The following ERVFRD-1 variants were observed in gnomAD, a reference collection of about 807,000 sequenced individuals.
ERVFRD-1 encodes endogenous retrovirus group FRD member 1, envelope.
In ERVFRD-1, 33 loss-of-function variants were observed where a neutral mutation model predicts 43.8. The ratio of observed to expected loss-of-function variants is 0.75; its 90% CI spans 0.57 to 1.01. The LOEUF is 1.01. Ranked by LOEUF, ERVFRD-1 falls within the 50% of genes least tolerant of loss-of-function variation. ERVFRD-1 has a pLI of 0.00. For missense variants in ERVFRD-1, 568 were observed against 658.4 expected (o/e 0.86, Z 1.50); for synonymous variants, 239 against 244.4 (o/e 0.98, Z 0.21).
chr6:11,104,452 G>A lies in ERVFRD-1; in HGVS notation c.859C>T (p.His287Tyr). Residue 287 changes from histidine to tyrosine, a missense_variant, in exon 2 of 2, where the codon CAT becomes TAT. Coordinates refer to ENST00000472091, the MANE Select transcript of ERVFRD-1 (RefSeq NM_207582.3). Reference protein sequence around the residue: ...GTSLTPLFHFHISTCLKTQGA... With the variant: ...GTSLTPLFHFYISTCLKTQGA... The stretch of plus-strand genomic sequence containing the variant: ...TGAGTTTTAAGGCATGTAGAGATAT[G>A]GAAATGAAATAAGGGGGTGAGGGAG... 2 of 1,551,936 alleles carry A rather than the reference G, an allele frequency of 1.3e-6. No homozygotes were observed. Among genetic ancestry groups the A allele is most frequent in the Non-Finnish European group, 1.7e-6 (2 of 1,147,086 alleles).
rs1178290750 is a variant in ERVFRD-1, at chr6:11,104,280, G to A, written c.1031C>T (p.Pro344Leu). Residue 344 changes from proline (P) to leucine (L), a missense_variant, in exon 2 of 2, where the codon CCG (proline) becomes CTG (leucine). Coordinates refer to ENST00000472091, the MANE Select transcript of ERVFRD-1 (RefSeq NM_207582.3). Reference sequence around the variant, plus strand: ...GATTGCCCTCCTCACCCTGGGCAACGGGGAATTCCCATAGATTGGTATTGG... The same window carrying A: ...GATTGCCCTCCTCACCCTGGGCAACAGGGAATTCCCATAGATTGGTATTGG... ...SLPIPIYGNS[P>L]LPRVRRAIHF... The A allele has an allele frequency of 2.8e-5, 43 of 1,551,584 alleles. No homozygotes were observed. Among genetic ancestry groups the A allele is most frequent in the Non-Finnish European group, 3.3e-5 (38 of 1,147,014 alleles).
chr6:11,109,007 G>A (rs1459197678), intron 1 of ERVFRD-1, among the ~76,000 whole-genome samples: 1 of 152,206 alleles, frequency 6.6e-6, no homozygotes, highest in East Asian at 1.9e-4. Flanking sequence ...AGAGGAACAT[G>A]TGGGTCCTTG....
Position 11,105,509 on chromosome 6 carries a change from C to T in ERVFRD-1, c.-199G>A, listed in dbSNP as rs1581912588. ...GTTTAAAGAGGAATTTTAGATCTTC[C>T]AGTGCCTTGCAAGTGTATTCCGGAG... is the stretch of plus-strand genomic sequence containing the variant. On this transcript the variant is annotated 5_prime_UTR_variant, in exon 2 of 2. Coordinates refer to ENST00000472091, the MANE Select transcript of ERVFRD-1 (RefSeq NM_207582.3). 2 of 561,588 alleles carry T rather than the reference C, an allele frequency of 3.6e-6. No homozygotes were observed. Among genetic ancestry groups the T allele is most frequent in the East Asian group, 3.0e-5 (1 of 32,988 alleles). The allele number at this position is 561,588 out of a possible 1,614,324, so 34.8% of individuals were successfully genotyped here.
chr6:11,109,507 A>G (rs750149850), intron 1 of ERVFRD-1, among the ~76,000 whole-genome samples: 6 of 152,136 alleles, frequency 3.9e-5, no homozygotes, highest in African/African-American at 7.2e-5. Context: ...TTCTGAACCA[A>G]TGGGAAGGGG....
rs375676990 is a variant in ERVFRD-1 at position 11,105,102 on chromosome 6, G to T, written c.209C>A (p.Ala70Glu). ...CCATCGATAGGAAATATGTAATTCC[G>T]CCTCTATGCTTGTCCATTCTCTGGG... The part of the protein sequence containing the change: ...ASPREWTSIE[A>E]ELHISYRWDP... The change falls in exon 2 of 2, where the codon GCG (alanine) becomes GAG (glutamate). Residue 70 changes from alanine (A) to glutamate (E), a missense_variant. Physicochemically the swap from Ala to Glu is moderately radical, Grantham distance 107. Transcript: ENST00000472091. 2 of 1,614,044 alleles carry T rather than the reference G, an allele frequency of 1.2e-6. No homozygotes were observed. Among genetic ancestry groups the T allele is most frequent in the Non-Finnish European group, 1.7e-6 (2 of 1,180,044 alleles).
In ERVFRD-1 at chr6:11,103,586, A is replaced by G. The variant is rs1177115022; in HGVS notation, c.*108T>C. On this transcript the variant is annotated 3_prime_UTR_variant, in exon 2 of 2. Transcript: ENST00000472091. Reference sequence around the variant, plus strand: ...TTGGCCTCTTGCTAGCTGTCAGGGCAGGATGGCTCTGTGGATTGGCAAAAA... The same window carrying G: ...TTGGCCTCTTGCTAGCTGTCAGGGCGGGATGGCTCTGTGGATTGGCAAAAA... 2 of 1,436,982 alleles carry G rather than the reference A, an allele frequency of 1.4e-6. No homozygotes were observed. The highest frequency in any genetic ancestry group is 1.8e-6 in the Non-Finnish European group (2 of 1,094,178). The allele number at this position is 1,436,982 out of a possible 1,614,324, so 89.0% of individuals were successfully genotyped here.
chr6:11,109,471 G>A (rs1758137930), intron 1 of ERVFRD-1, among the ~76,000 whole-genome samples: 1 of 152,140 alleles, frequency 6.6e-6, no homozygotes, highest in Non-Finnish European at 1.5e-5. Flanking sequence ...TGGGGCTTGA[G>A]CTCTGGGTAA....
chr6:11,105,003 A>C lies in ERVFRD-1; in HGVS notation c.308T>G (p.Ile103Ser). 5.6e-6 allele frequency: 9 copies of C among 1,614,204 alleles called. No homozygotes were observed. Among genetic ancestry groups the C allele is most frequent in the Non-Finnish European group, 7.6e-6 (9 of 1,180,042 alleles). ...LSTVKQDFPD[I>S]RQKPPIFGPI... ...TCCGAAAATGGGAGGTTTCTGGCGGATATCAGGGAAATCTTGCTTTACTGT... is the reference window on the plus strand; with the variant it reads ...TCCGAAAATGGGAGGTTTCTGGCGGCTATCAGGGAAATCTTGCTTTACTGT... The change falls in exon 2 of 2, where the codon ATC becomes AGC. Residue 103 changes from isoleucine to serine, a missense_variant. Ile to Ser is a moderately radical substitution (Grantham distance 142). Coordinates refer to ENST00000472091, the MANE Select transcript of ERVFRD-1 (RefSeq NM_207582.3).
chr6:11,103,933 A>T lies in ERVFRD-1; in HGVS notation c.1378T>A (p.Ser460Thr), dbSNP rs867769889. ...DNIRQLLNQASSLRERATQGW... is the reference protein window; with the variant it reads ...DNIRQLLNQATSLRERATQGW... The stretch of plus-strand genomic sequence containing the variant: ...TGAGTGGCTCGTTCCCGTAAACTGG[A>T]GGCTTGATTTAGGAGTTGTCTGATG... Residue 460 changes from serine to threonine, a missense_variant, in exon 2 of 2, where the codon TCC (serine) becomes ACC (threonine). Coordinates refer to ENST00000472091, the MANE Select transcript of ERVFRD-1 (RefSeq NM_207582.3). 6.4e-7 allele frequency: 1 copy of T among 1,551,566 alleles called. No individual in the cohort carries two copies. Among genetic ancestry groups the T allele is most frequent in the African/African-American group, 1.4e-5 (1 of 73,114 alleles).
Position 11,104,285 on chromosome 6 carries a change from A to T in ERVFRD-1, c.1026T>A (p.Asn342Lys). ...NLSLPIPIYG[N>K]SPLPRVRRAI... The stretch of plus-strand genomic sequence containing the variant: ...CCCTCCTCACCCTGGGCAACGGGGA[A>T]TTCCCATAGATTGGTATTGGAAGAG... Residue 342 changes from asparagine to lysine, a missense_variant, in exon 2 of 2, where the codon AAT becomes AAA. Physicochemically the swap from Asn to Lys is moderately conservative, Grantham distance 94. Transcript: ENST00000472091. The T allele has an allele frequency of 1.3e-6, 2 of 1,551,726 alleles. No homozygotes were observed. Among genetic ancestry groups the T allele is most frequent in the Non-Finnish European group, 1.7e-6 (2 of 1,147,002 alleles).
rs756242354 is a variant in ERVFRD-1, at chr6:11,104,610, C to T, written c.701G>A (p.Arg234Gln). The change falls in exon 2 of 2, where the codon CGA becomes CAA. Residue 234 changes from arginine (R) to glutamine (Q), a missense_variant. By Grantham distance (43) the Arg-to-Gln change is conservative. Coordinates refer to ENST00000472091, the MANE Select transcript of ERVFRD-1 (RefSeq NM_207582.3). The stretch of plus-strand genomic sequence containing the variant: ...TTTATTTTCCCAAAAAAGAGAATTT[C>T]GAGTTTGGTCCAATAGAACCCATTC... The part of the protein sequence containing the change: ...TAEWVLLDQT[R>Q]NSLFWENKTK... The T allele has an allele frequency of 1.7e-5, 27 of 1,613,970 alleles. No homozygotes were observed. The highest frequency in any genetic ancestry group is 2.7e-5 in the African/African-American group (2 of 74,882).
intron 1 of ERVFRD-1, among the ~76,000 whole-genome samples, chr6:11,109,730 A>G (rs1758140729): frequency 6.6e-6 from 1 of 152,204 alleles, no homozygotes; most frequent in South Asian, 2.1e-4. Flanking sequence ...AGGCTGTATT[A>G]CAGAAAAATA....
At chr6:11,105,939 A>G (rs1251919429) in intron 1 of ERVFRD-1, among the ~76,000 whole-genome samples, 4 of 152,190 alleles carry the variant, frequency 2.6e-5, no homozygotes, top group African/African-American at 9.7e-5. Flanking sequence ...CCTTAGGGGC[A>G]GCAAATCAGA....
intron 1 of ERVFRD-1, among the ~76,000 whole-genome samples, chr6:11,107,331 G>A (rs577640781): frequency 2.0e-5 from 3 of 152,194 alleles, no homozygotes; most frequent in African/African-American, 7.2e-5. Flanking sequence ...TTTCAGACAC[G>A]TTGTATTCTC....
Position 11,104,296 on chromosome 6 carries a change from T to C in ERVFRD-1, c.1015A>G (p.Ile339Val), listed in dbSNP as rs565688582. The C allele has an allele frequency of 3.2e-6, 5 of 1,551,614 alleles. No individual in the cohort carries two copies. The East Asian group carries it at 9.8e-5, about 30-fold the overall frequency. ...APGNLSLPIP[I>V]YGNSPLPRVR... ...CTGGGCAACGGGGAATTCCCATAGA[T>C]TGGTATTGGAAGAGAGAGATTGCCA... Residue 339 changes from isoleucine to valine, a missense_variant, in exon 2 of 2, where the codon ATC becomes GTC. Coordinates refer to ENST00000472091, the MANE Select transcript of ERVFRD-1 (RefSeq NM_207582.3).
Position 11,104,112 on chromosome 6 carries a change from G to T in ERVFRD-1, c.1199C>A (p.Thr400Lys). The T allele has an allele frequency of 3.9e-6, 6 of 1,551,708 alleles. No homozygotes were observed. Among genetic ancestry groups the T allele is most frequent in the Non-Finnish European group, 5.2e-6 (6 of 1,147,006 alleles). Residue 400 changes from threonine (T) to lysine (K), a missense_variant, in exon 2 of 2, where the codon ACG becomes AAG. Transcript: ENST00000472091. ...AGAGTCGATTTGTTCTTGCATGGTC[G>T]TTAAGGCTTTAGCCATGGTGTCAAT... ...NNIDTMAKAL[T>K]TMQEQIDSLA...
rs1468501051 is a variant in ERVFRD-1, at chr6:11,105,132, G to T, written c.179C>A (p.Ala60Asp). Residue 60 changes from alanine to aspartate, a missense_variant, in exon 2 of 2, where the codon GCC (alanine) becomes GAC (aspartate). Physicochemically the swap from Ala to Asp is moderately radical, Grantham distance 126. Transcript: ENST00000472091. ...TATGCTTGTCCATTCTCTGGGCGAG[G>T]CTGGATAAGCTGTCCCTGGTGTTTC... is the stretch of plus-strand genomic sequence containing the variant. ...STETPGTAYP[A>D]SPREWTSIEA... 6.2e-7 allele frequency: 1 copy of T among 1,614,190 alleles called. No homozygotes were observed. The highest frequency in any genetic ancestry group is 1.7e-5 in the Admixed American group (1 of 60,010).
intron 1 of ERVFRD-1, among the ~76,000 whole-genome samples, chr6:11,109,173 G>T (rs1758134115): frequency 6.6e-6 from 1 of 152,252 alleles, no homozygotes; most frequent in South Asian, 2.1e-4. Flanking sequence ...CTTAGGCAGA[G>T]TTTGCCCTAG....
At position 11,102,621 on chromosome 6, in the gene ERVFRD-1, G is replaced by C. The variant is rs2113640863; in HGVS notation, c.*1073C>G. The C allele has an allele frequency of 6.6e-6, 1 of 152,330 alleles. No homozygotes were observed. Among genetic ancestry groups the C allele is most frequent in the South Asian group, 2.1e-4 (1 of 4,832 alleles). The allele number at this position is 152,330 out of a possible 1,614,324, so 9.4% of individuals were successfully genotyped here. On this transcript the variant is annotated 3_prime_UTR_variant, in exon 2 of 2. Transcript: ENST00000472091. ...AAGGTTCCCACAGAAGCAAGACAAA[G>C]AAAATACTTGGTTAAAGTTGAAAGG...
Sources: gnomAD v4.1 joint callset for allele counts (sites outside exome capture counted in the v4.1 genomes callset) on GRCh38, gnomAD v4.1.1 for gene constraint, MANE v1.5 for transcripts, NCBI Gene and HGNC (gene_info 2026-07-23, HGNC 2026-07-21) for gene names.